ARMC9: variants seen among roughly 807,000 people sequenced by gnomAD.
ARMC9 encodes the protein lisH domain-containing protein ARMC9.
In ARMC9, 94 loss-of-function variants were observed where a neutral mutation model predicts 107.0. The observed-to-expected ratio is 0.88, with a 90% confidence interval of 0.74 to 1.04. The LOEUF is 1.04. ARMC9 is among the 50% of genes least tolerant of loss of function. ARMC9 has a pLI of 0.00. For missense variants in ARMC9, 942 were observed against 1,030.1 expected (o/e 0.91, Z 1.17); for synonymous variants, 380 against 396.9 (o/e 0.96, Z 0.51).
At chr2:231,326,387 C>T (rs926349895) in intron 19 of ARMC9, among the ~76,000 whole-genome samples, 1 of 152,214 alleles carries the variant, frequency 6.6e-6, no homozygotes, top group Non-Finnish European at 1.5e-5. Flanking sequence ...TAAATGCCCC[C>T]AAATGCAAGC....
In ARMC9 at chr2:231,259,039, G is replaced by A; in HGVS notation, c.963G>A (p.Leu321=). 1 of 1,614,168 alleles carries A rather than the reference G, an allele frequency of 6.2e-7. No individual in the cohort carries two copies. The highest frequency in any genetic ancestry group is 1.3e-5 in the African/African-American group (1 of 75,050). The change falls in exon 11 of 25, where the codon CTG becomes CTA. Residue 321 remains leucine, a synonymous_variant. Coordinates refer to ENST00000611582, the MANE Select transcript of ARMC9 (RefSeq NM_001352754.2). ...TGCCCTCCTTGGATTATGAGAAACT[G>A]AAGAAGGATTTGATTTTGGGGAGTG... is the stretch of plus-strand genomic sequence containing the variant. ...PLLPSLDYEK[L]KKDLILGSDR...
intron 19 of ARMC9, among the ~76,000 whole-genome samples, chr2:231,307,073 C>G (rs2042073658): frequency 1.3e-5 from 2 of 152,128 alleles, no homozygotes; most frequent in South Asian, 4.1e-4. Flanking sequence ...TTTCCCTTGC[C>G]CTGGTGTTCT....
At chr2:231,356,739 C>G (rs16828005) in intron 22 of ARMC9, among the ~76,000 whole-genome samples, 6,289 of 152,246 alleles carry the variant, frequency 0.041, 452 homozygotes, top group African/African-American at 0.14. Flanking sequence ...CAGCGTTGAT[C>G]ATCAGTTATT....
At chr2:231,284,044 A>G (rs1275991593) in intron 17 of ARMC9, among the ~76,000 whole-genome samples, 3 of 152,160 alleles carry the variant, frequency 2.0e-5, no homozygotes, top group Admixed American at 1.3e-4. Flanking sequence ...AATTACAGTC[A>G]TGTCCCATGT....
At chr2:231,305,492 G>A (rs1343379152) in intron 19 of ARMC9, among the ~76,000 whole-genome samples, 7 of 152,208 alleles carry the variant, frequency 4.6e-5, no homozygotes, top group East Asian at 1.9e-4. Flanking sequence ...AAATCCAGGC[G>A]TAGTTCTGCA....
At chr2:231,336,691 T>A (rs1404943830) in intron 20 of ARMC9, among the ~76,000 whole-genome samples, 1 of 152,170 alleles carries the variant, frequency 6.6e-6, no homozygotes, top group Non-Finnish European at 1.5e-5. Context: ...TTCCTAAGAA[T>A]CCCCGAAAGG....
At chr2:231,278,593 G>T in intron 16 of ARMC9, 135 bp downstream of exon 16, 1 of 714,488 alleles carries the variant, frequency 1.4e-6, no homozygotes, top group Non-Finnish European at 2.3e-6. Flanking sequence ...TGTCCTTCTG[G>T]GATTTTCATA....
At chr2:231,350,946 C>CTTTTTTT (rs770225857) in intron 21 of ARMC9, among the ~76,000 whole-genome samples, 11 of 50,602 alleles carry the variant, frequency 2.2e-4, no homozygotes, top group Non-Finnish European at 3.3e-4. Flanking sequence ...AGTGACAATT[C>CTTTTTTT]TTTTTTTTTT....
chr2:231,261,096 G>T (rs113568542), intron 11 of ARMC9, among the ~76,000 whole-genome samples: 3 of 152,282 alleles, frequency 2.0e-5, no homozygotes, highest in East Asian at 3.9e-4. Flanking sequence ...TCTTGCCCAC[G>T]CTAAGAACTA....
intron 24 of ARMC9, chr2:231,370,532 A>G: frequency 5.8e-6 from 1 of 171,058 alleles, no homozygotes; most frequent in Non-Finnish European, 1.2e-5. Flanking sequence ...CCCCTGGTTC[A>G]GCCACTGTGT....
At chr2:231,339,498 A>G (rs1429219792) in intron 20 of ARMC9, among the ~76,000 whole-genome samples, 2 of 152,146 alleles carry the variant, frequency 1.3e-5, no homozygotes, top group African/African-American at 2.4e-5. Flanking sequence ...CAGTTGTGCA[A>G]TCATAGCTCA....
At chr2:231,349,348 G>A (rs1452464020) in intron 21 of ARMC9, among the ~76,000 whole-genome samples, 5 of 152,096 alleles carry the variant, frequency 3.3e-5, no homozygotes, top group African/African-American at 7.2e-5. Context: ...AACATCACAC[G>A]TTCCCACTTA....
At position 231,370,145 on chromosome 2, in the gene ARMC9, A is replaced by G. The variant is rs1210919855; in HGVS notation, c.2434+20A>G. 1 of 1,499,136 alleles carries G rather than the reference A, an allele frequency of 6.7e-7. No individual in the cohort carries two copies. The highest frequency in any genetic ancestry group is 8.9e-7 in the Non-Finnish European group (1 of 1,124,458). The allele number at this position is 1,499,136 out of a possible 1,614,324, so 92.9% of individuals were successfully genotyped here. A position where few individuals can be genotyped will look rare whatever the true frequency, so the allele number is the denominator to read the frequency against. ...TGCCGAGTAAGTCAGCCTGGGCCCC[A>G]CTGGCGTGGGAGCCTGGCCACCCGC... On this transcript the variant is annotated intron_variant, in intron 24 of 24. Coordinates refer to ENST00000611582, the MANE Select transcript of ARMC9 (RefSeq NM_001352754.2).
chr2:231,331,127 G>A (rs1308714905), intron 19 of ARMC9, among the ~76,000 whole-genome samples: 8 of 152,160 alleles, frequency 5.3e-5, no homozygotes, highest in Non-Finnish European at 1.5e-5. Flanking sequence ...GGGTGACAGA[G>A]CGAGACCCTA....
intron 7 of ARMC9, among the ~76,000 whole-genome samples, chr2:231,232,349 A>T (rs1025197087): frequency 3.3e-5 from 5 of 151,750 alleles, no homozygotes; most frequent in African/African-American, 4.8e-5. Flanking sequence ...TAAGAGGCAG[A>T]AGGTAGTGAC....
chr2:231,336,732 A>C (rs75911588), intron 20 of ARMC9, among the ~76,000 whole-genome samples: 8,500 of 152,300 alleles, frequency 0.056, 350 homozygotes, highest in African/African-American at 0.11. Flanking sequence ...CTGGCCCCAC[A>C]TCCAGAGAAT....
rs2034768048 is a variant in ARMC9 at position 231,227,559 on chromosome 2, A to G, written c.622+761A>G. On this transcript the variant is annotated intron_variant, in intron 7 of 24. Coordinates refer to ENST00000611582, the MANE Select transcript of ARMC9 (RefSeq NM_001352754.2). The stretch of plus-strand genomic sequence containing the variant: ...GCCAGCACATTTGCCCTTTCAAAGC[A>G]GAGTCATGCCAGAGAGGATTTCAGA... Among the ~76,000 whole-genome samples the G allele has an allele frequency of 2.0e-5, 3 of 152,254 alleles. No individual in the cohort carries two copies. The South Asian group carries it at 6.2e-4, about 31-fold the overall frequency.
At chr2:231,276,877 A>G in intron 15 of ARMC9, 102 bp downstream of exon 15, 1 of 1,454,198 alleles carries the variant, frequency 6.9e-7, no homozygotes, top group Non-Finnish European at 9.2e-7. Flanking sequence ...TTAGTCTCAT[A>G]GAAAACTAAA....
chr2:231,205,365 A>G (rs1209133358), intron 1 of ARMC9, among the ~76,000 whole-genome samples: 1 of 152,144 alleles, frequency 6.6e-6, no homozygotes, highest in African/African-American at 2.4e-5. Flanking sequence ...GTGAGATCCC[A>G]TCTCAAAAAA....
Sources: gnomAD v4.1 joint callset for allele counts (sites outside exome capture counted in the v4.1 genomes callset) on GRCh38, gnomAD v4.1.1 for gene constraint, MANE v1.5 for transcripts, NCBI Gene and HGNC (gene_info 2026-07-23, HGNC 2026-07-21) for gene names.